CFAP54: variants seen among roughly 807,000 people sequenced by gnomAD.
CFAP54 encodes the protein cilia and flagella associated protein 54, also known as cilia- and flagella-associated protein 54.
A neutral mutation model predicts 370.4 loss-of-function variants in CFAP54; 290 were observed. The observed-to-expected ratio is 0.78, with a 90% CI of 0.71 to 0.86. The LOEUF (loss-of-function observed/expected upper bound fraction) is 0.86. CFAP54 is among the 40% of genes least tolerant of loss of function. The pLI is 0.00. For synonymous variants in CFAP54, 1,206 were observed against 1,236.5 expected (o/e 0.98, Z 0.52); for missense variants, 3,399 against 3,528.7 (o/e 0.96, Z 0.93).
chr12:96,625,835 T>G (rs184984937), intron 29 of CFAP54, 28 bp downstream of exon 29: 754 of 1,416,542 alleles, frequency 5.3e-4, no homozygotes, highest in Non-Finnish European at 3.9e-4. Context: ...GTATATGCTG[T>G]TCACTCGATT....
chr12:96,751,805 G>A (rs931305274), intron 55 of CFAP54, among the ~76,000 whole-genome samples: 3 of 152,022 alleles, frequency 2.0e-5, no homozygotes, highest in Non-Finnish European at 2.9e-5. Context: ...CCTATAAAAT[G>A]TGGGTGAGTG....
intron 66 of CFAP54, among the ~76,000 whole-genome samples, chr12:96,859,828 T>TA (rs1380913580): frequency 1.1e-4 from 17 of 152,108 alleles, no homozygotes; most frequent in Non-Finnish European, 1.5e-4. Context: ...TCCATTTTTT[T>TA]AAAAAAAAGA....
Position 96,649,986 on chromosome 12 carries a change from T to C in CFAP54, c.4786T>C (p.Ser1596Pro). The change falls in exon 35 of 68, where the codon TCT (serine) becomes CCT (proline). Residue 1596 changes from serine (S) to proline (P), a missense_variant. Around this residue, in one of 3 missense-constraint regions of CFAP54, gnomAD observed 2,796 missense variants for 2,869.7 expected, o/e 0.97. Coordinates refer to ENST00000524981, the MANE Select transcript of CFAP54 (RefSeq NM_001306084.2). ...TTATGACTCAGACTCTCAATCAGGT[T>C]CTAGTGCTAAAGAAAAGGACCGAGG... ...TVYDSDSQSG[S>P]SAKEKDRGAN... 1 of 1,613,528 alleles carries C rather than the reference T, an allele frequency of 6.2e-7. No homozygotes were observed. Among genetic ancestry groups the C allele is most frequent in the Non-Finnish European group, 8.5e-7 (1 of 1,179,530 alleles).
At chr12:96,555,481 T>C (rs11108581) in intron 17 of CFAP54, among the ~76,000 whole-genome samples, 15,093 of 150,836 alleles carry the variant, frequency 0.1, 1,238 homozygotes, top group East Asian at 0.45. Context: ...GAAACAAAAC[T>C]GTTCTTTCCA....
At chr12:96,611,526 A>G (rs1956358313) in intron 26 of CFAP54, among the ~76,000 whole-genome samples, 1 of 152,240 alleles carries the variant, frequency 6.6e-6, no homozygotes, top group South Asian at 2.1e-4. Context: ...AGTGGAACAA[A>G]GCTGGACGGA....
intron 66 of CFAP54, among the ~76,000 whole-genome samples, chr12:96,838,493 G>A (rs1959193521): frequency 6.6e-6 from 1 of 152,042 alleles, no homozygotes. Context: ...GAGGCCTCAA[G>A]AAACAATCAT....
chr12:96,792,286 T>C (rs1958707949), intron 62 of CFAP54, 43 bp from the exon 63 acceptor site: 9 of 1,423,450 alleles, frequency 6.3e-6, no homozygotes, highest in Non-Finnish European at 8.3e-6. Context: ...ATGTAACAAA[T>C]TTATTACCAG....
At chr12:96,784,981 A>T (rs1428378895) in intron 61 of CFAP54, 91 bp downstream of exon 61, 6 of 1,084,994 alleles carry the variant, frequency 5.5e-6, no homozygotes, top group Middle Eastern at 2.2e-4. Flanking sequence ...GATACTTTTG[A>T]CATCTTTCTG....
chr12:96,639,631 G>A (rs1956702331), intron 32 of CFAP54, among the ~76,000 whole-genome samples: 1 of 152,100 alleles, frequency 6.6e-6, no homozygotes, highest in Admixed American at 6.6e-5. Flanking sequence ...AACAAAAAAG[G>A]AGAATTTTAG....
In CFAP54 at chr12:96,753,829, G is replaced by A. The variant is rs1958218543; in HGVS notation, c.7771G>A (p.Ala2591Thr). Reference protein sequence around the residue: ...WLPALHLFDVALKLCRTTAVE... With the variant: ...WLPALHLFDVTLKLCRTTAVE... ...ACCTGCTCTTCATCTGTTTGATGTG[G>A]CACTGAAGCTCTGTAGAACAACAGC... Residue 2591 changes from alanine to threonine, a missense_variant, in exon 56 of 68, where the codon GCA becomes ACA. Around this residue, in one of 3 missense-constraint regions of CFAP54, gnomAD observed 2,796 missense variants for 2,869.7 expected, o/e 0.97. Transcript: ENST00000524981. The A allele has an allele frequency of 3.7e-6, 6 of 1,613,896 alleles. No individual in the cohort carries two copies. The highest frequency in any genetic ancestry group is 5.1e-6 in the Non-Finnish European group (6 of 1,179,940).
rs1275141781 is a variant in CFAP54 at position 96,779,100 on chromosome 12, T to G, written c.8282-5617T>G. On this transcript the variant is annotated intron_variant, in intron 60 of 67. Transcript: ENST00000524981. ...CCAGCCTGGGCAACACGAGTGAATCTCCATCTCAAAAAAAAAAAAAAAAAA... is the reference window on the plus strand; with the variant it reads ...CCAGCCTGGGCAACACGAGTGAATCGCCATCTCAAAAAAAAAAAAAAAAAA... Among the ~76,000 whole-genome samples, 4 of 116,288 alleles carry G rather than the reference T, an allele frequency of 3.4e-5. No homozygotes were observed. In the South Asian group the frequency reaches 1.0e-3, roughly 29 times the overall value. The allele number at this position is 116,288 out of a possible 152,430, so 76.3% of individuals were successfully genotyped here.
intron 66 of CFAP54, among the ~76,000 whole-genome samples, chr12:96,841,502 A>G (rs886687781): frequency 1.9e-4 from 29 of 152,220 alleles, no homozygotes; most frequent in Non-Finnish European, 5.9e-5. Flanking sequence ...AAACCTTTGG[A>G]AAGTCTCCTG....
At chr12:96,516,676 A>G (rs1955238923) in intron 5 of CFAP54, among the ~76,000 whole-genome samples, 1 of 152,224 alleles carries the variant, frequency 6.6e-6, no homozygotes, top group South Asian at 2.1e-4. Context: ...TACTCAGCAA[A>G]CATTAAAGAA....
intron 22 of CFAP54, 109 bp from the exon 23 acceptor site, chr12:96,589,318 T>TGATA (rs1592866360): frequency 1.1e-6 from 1 of 887,666 alleles, no homozygotes; most frequent in East Asian, 2.7e-5. Flanking sequence ...AATGAGCGTG[T>TGATA]GATAGCACCT....
intron 45 of CFAP54, among the ~76,000 whole-genome samples, chr12:96,698,999 A>G (rs1957464008): frequency 2.6e-5 from 4 of 152,158 alleles, no homozygotes; most frequent in Admixed American, 2.6e-4. Context: ...TGGCCACTTC[A>G]TGCTCACCTC....
chr12:96,507,608 C>T (rs1012249325), intron 4 of CFAP54, among the ~76,000 whole-genome samples: 7 of 152,022 alleles, frequency 4.6e-5, no homozygotes, highest in Non-Finnish European at 8.8e-5. Context: ...AAATGACTCT[C>T]AGCTAAAAAA....
At chr12:96,614,467 C>T (rs1956394239) in intron 26 of CFAP54, among the ~76,000 whole-genome samples, 2 of 152,166 alleles carry the variant, frequency 1.3e-5, no homozygotes, top group African/African-American at 4.8e-5. Flanking sequence ...ACAGGGATGC[C>T]CTCTCTCACC....
chr12:96,664,715 CTATATATATCTATATATATATATCTA>C (rs1565934252), intron 39 of CFAP54, among the ~76,000 whole-genome samples: 1,013 of 66,732 alleles, frequency 0.015, 26 homozygotes, highest in Non-Finnish European at 0.022. Flanking sequence ...ATATATATAT[CTATATATATCTATATATATATATCTA>C]TATATATATA....
chr12:96,788,336 T>A (rs1426428490), intron 62 of CFAP54, among the ~76,000 whole-genome samples: 1 of 152,172 alleles, frequency 6.6e-6, no homozygotes, highest in East Asian at 1.9e-4. Flanking sequence ...AATTTGAGAT[T>A]CTTGTAGAAA....
Sources: allele counts gnomAD v4.1 joint callset (sites outside exome capture counted in the v4.1 genomes callset), GRCh38; gene constraint gnomAD v4.1.1; regional missense constraint gnomAD v4.1.1; transcripts MANE v1.5; gene names NCBI Gene and HGNC (gene_info 2026-07-23, HGNC 2026-07-21).